CCDC122: variants seen among roughly 807,000 people sequenced by gnomAD.
CCDC122 encodes coiled-coil domain-containing protein 122.
A neutral mutation model predicts 37.0 loss-of-function variants in CCDC122; 38 were observed. The ratio of observed to expected loss-of-function variants is 1.03; its 90% CI spans 0.79 to 1.35. The LOEUF (loss-of-function observed/expected upper bound fraction) is 1.35. CCDC122 is among the 40% of genes most tolerant of loss of function. CCDC122 has a pLI of 0.00. For synonymous variants in CCDC122, 83 were observed against 95.6 expected, an observed-to-expected ratio of 0.87 and a Z score of 0.77; for missense variants, 305 against 310.0, an observed-to-expected ratio of 0.98 and a Z score of 0.12.
intron 6 of CCDC122, among the ~76,000 whole-genome samples, chr13:43,850,095 T>A (rs772614147): frequency 5.9e-5 from 9 of 152,148 alleles, no homozygotes; most frequent in Non-Finnish European, 1.0e-4. Context: ...GTAGCAAGGA[T>A]TCCTTTTCCC....
chr13:43,866,605 C>T lies in CCDC122; in HGVS notation c.156+2089G>A, dbSNP rs117701457. Among the ~76,000 whole-genome samples the T allele has an allele frequency of 8.6e-4, 131 of 152,186 alleles. 1 individual carries two copies. The East Asian group carries it at 0.023, about 27-fold the overall frequency. Reference sequence around the variant, plus strand: ...TATATTTAAGTCTTCTTTAATTTTTCTCACCAATGTTTTACAGTGTTCAGC... The same window carrying T: ...TATATTTAAGTCTTCTTTAATTTTTTTCACCAATGTTTTACAGTGTTCAGC... On this transcript the variant is annotated intron_variant, in intron 4 of 6. Transcript: ENST00000444614.
At chr13:43,864,324 C>G (rs1954206233) in intron 4 of CCDC122, among the ~76,000 whole-genome samples, 1 of 152,272 alleles carries the variant, frequency 6.6e-6, no homozygotes, top group South Asian at 2.1e-4. Context: ...TCCTAAAACT[C>G]TTGTGTATTA....
chr13:43,853,743 A>C (rs1953819264), intron 6 of CCDC122, among the ~76,000 whole-genome samples: 1 of 152,252 alleles, frequency 6.6e-6, no homozygotes, highest in Non-Finnish European at 1.5e-5. Flanking sequence ...AATCAGAAAT[A>C]AAACACTCCT....
At chr13:43,862,722 G>A (rs550313603) in intron 4 of CCDC122, among the ~76,000 whole-genome samples, 90 of 152,150 alleles carry the variant, frequency 5.9e-4, no homozygotes, top group African/African-American at 2.1e-3. Context: ...CAATGGTCAG[G>A]AAAGGGACAT....
At chr13:43,838,684 T>C (rs754146726) in intron 6 of CCDC122, among the ~76,000 whole-genome samples, 10 of 152,164 alleles carry the variant, frequency 6.6e-5, no homozygotes, top group Non-Finnish European at 1.3e-4. Flanking sequence ...TGGGGGCTTA[T>C]GTTTGAACAC....
intron 6 of CCDC122, among the ~76,000 whole-genome samples, chr13:43,846,341 T>C (rs1419738423): frequency 1.3e-5 from 2 of 152,208 alleles, no homozygotes; most frequent in African/African-American, 4.8e-5. Context: ...CTCAAAGTGT[T>C]GGGATTACAG....
chr13:43,855,722 G>C (rs1289890476), intron 6 of CCDC122: 2 of 151,930 alleles, frequency 1.3e-5, no homozygotes, highest in Non-Finnish European at 1.5e-5. Context: ...ATGCTGACAA[G>C]GTTGCAGAGA....
chr13:43,858,897 C>A lies in CCDC122; in HGVS notation c.556G>T (p.Glu186Ter). 7.2e-7 allele frequency: 1 copy of A among 1,392,736 alleles called. No homozygotes were observed. The highest frequency in any genetic ancestry group is 1.4e-5 in the South Asian group (1 of 70,554). The allele number at this position is 1,392,736 out of a possible 1,614,324, so 86.3% of individuals were successfully genotyped here. A position where few individuals can be genotyped will look rare whatever the true frequency, so the allele number is the denominator to read the frequency against. Residue 186 changes from glutamate (E) to a stop codon, truncating the protein, a stop_gained and splice_region_variant, in exon 6 of 7, where the codon GAA (glutamate) becomes TAA (stop). Coordinates refer to ENST00000444614, the MANE Select transcript of CCDC122 (RefSeq NM_144974.5). LOFTEE classifies it high-confidence loss of function. ...TTATCCTTTAAGTTTGTAATGTCTT[C>A]CTGTATGTTGACAACATTTGAAATA... is the stretch of plus-strand genomic sequence containing the variant. Reference protein sequence around the residue: ...PGGNRITQVQEDITNLKDKII... With the variant: ...PGGNRITQVQ
At chr13:43,820,283 C>A (rs370706491), downstream of CCDC122, among the ~76,000 whole-genome samples, 1 of 152,020 alleles carries the variant, frequency 6.6e-6, no homozygotes, top group Non-Finnish European at 1.5e-5. Flanking sequence ...TGATGAACAC[C>A]CTTAATGCTG....
chr13:43,875,511 A>G (rs1954578682), intron 1 of CCDC122, among the ~76,000 whole-genome samples: 1 of 152,218 alleles, frequency 6.6e-6, no homozygotes, highest in South Asian at 2.1e-4. Flanking sequence ...TGGCCAGACC[A>G]TATGTAAAAA....
At chr13:43,832,749 A>G (rs1030740827), downstream of CCDC122, among the ~76,000 whole-genome samples, 2 of 152,194 alleles carry the variant, frequency 1.3e-5, no homozygotes, top group Admixed American at 6.5e-5. Flanking sequence ...CCATGTAGCT[A>G]AAATGGGGCT....
chr13:43,820,177 A>G (rs1594807004), downstream of CCDC122, among the ~76,000 whole-genome samples: 1 of 152,222 alleles, frequency 6.6e-6, no homozygotes, highest in Non-Finnish European at 1.5e-5. Context: ...TGTCAAAAAT[A>G]CAGTAGAAAC....
intron 4 of CCDC122, among the ~76,000 whole-genome samples, chr13:43,865,454 T>C (rs775539011): frequency 3.9e-5 from 6 of 152,214 alleles, no homozygotes; most frequent in Non-Finnish European, 7.3e-5. Flanking sequence ...GAACTCTATA[T>C]ACACTATGTT....
downstream of CCDC122, among the ~76,000 whole-genome samples, chr13:43,823,307 T>C (rs964790494): frequency 3.9e-5 from 6 of 152,094 alleles, no homozygotes; most frequent in Admixed American, 2.0e-4. Flanking sequence ...GCTGGGCTGG[T>C]ATCCAAGATT....
chr13:43,865,332 C>A (rs1281672665), intron 4 of CCDC122, among the ~76,000 whole-genome samples: 6 of 151,968 alleles, frequency 3.9e-5, no homozygotes, highest in Non-Finnish European at 7.4e-5. Context: ...GGGACTGAGC[C>A]CTTTAACTTG....
chr13:43,828,598 A>T, intron 3 of CCDC122, among the ~76,000 whole-genome samples: 1 of 135,420 alleles, frequency 7.4e-6, no homozygotes, highest in Non-Finnish European at 1.6e-5. Flanking sequence ...ACACACACAC[A>T]CGTGTCTTTC....
In CCDC122 at chr13:43,837,201, A is replaced by G; in HGVS notation, c.*79T>C. 1 of 1,380,068 alleles carries G rather than the reference A, an allele frequency of 7.2e-7. No individual in the cohort carries two copies. Among genetic ancestry groups the G allele is most frequent in the Non-Finnish European group, 9.9e-7 (1 of 1,010,444 alleles). 85.5% of individuals were successfully genotyped at this position (1,380,068 alleles called of 1,614,324 possible). On this transcript the variant is annotated 3_prime_UTR_variant, in exon 7 of 7. Transcript: ENST00000444614. ...CTAATAGTGGATGCTTGTTATTAAG[A>G]ATCCAAAAGATTTTCTTAATGTTCT...
At chr13:43,833,805 C>T (rs1296335228), downstream of CCDC122, among the ~76,000 whole-genome samples, 2 of 151,886 alleles carry the variant, frequency 1.3e-5, no homozygotes, top group African/African-American at 4.8e-5. Context: ...AGAACACTTC[C>T]ATGCAGAAAA....
intron 1 of CCDC122, among the ~76,000 whole-genome samples, chr13:43,878,734 T>C (rs1403886738): frequency 2.6e-5 from 4 of 152,202 alleles, no homozygotes; most frequent in Non-Finnish European, 5.9e-5. Context: ...TCAGGGATGC[T>C]AAACTGCACC....
Sources: gnomAD v4.1 joint callset for allele counts (sites outside exome capture counted in the v4.1 genomes callset) on GRCh38, gnomAD v4.1.1 for gene constraint, MANE v1.5 for transcripts, NCBI Gene and HGNC (gene_info 2026-07-23, HGNC 2026-07-21) for gene names.